Variants in PCDH9 observed in about 807,000 individuals in gnomAD.
PCDH9 encodes protocadherin 9, also known as protocadherin-9.
In PCDH9, 24 loss-of-function variants were observed where a neutral mutation model predicts 70.6. The ratio of observed to expected loss-of-function variants is 0.34; its 90% confidence interval spans 0.25 to 0.48. The LOEUF (loss-of-function observed/expected upper bound fraction) is 0.48, where lower values mean the gene tolerates loss of function less well. Among genes scored for constraint, PCDH9 ranks in the 20% least tolerant of loss-of-function variants. The probability of loss-of-function intolerance (pLI) is 0.99; values close to 1 mark genes in which losing one functional copy is unlikely to be tolerated. For missense variants in PCDH9, 1,281 were observed against 1,503.6 expected (o/e 0.85, Z 2.45); for synonymous variants, 562 against 558.5 (o/e 1.01, Z -0.09).
intron 3 of PCDH9, among the ~76,000 whole-genome samples, chr13:66,733,627 G>A (rs1267923457): frequency 1.5e-4 from 23 of 150,066 alleles, no homozygotes; most frequent in Admixed American, 1.5e-3. Context: ...TGGTAAAATG[G>A]TTTTAAGATT....
At chr13:67,141,794 A>G (rs181277498) in intron 2 of PCDH9, among the ~76,000 whole-genome samples, 1 of 151,612 alleles carries the variant, frequency 6.6e-6, no homozygotes, top group African/African-American at 2.4e-5. Flanking sequence ...GTGATGTATC[A>G]GTATTGTATT....
intron 4 of PCDH9, among the ~76,000 whole-genome samples, chr13:66,580,197 C>G (rs963295787): frequency 6.6e-6 from 1 of 151,998 alleles, no homozygotes; most frequent in Non-Finnish European, 1.5e-5. Context: ...CCATGTACAT[C>G]TAACCAAATA....
chr13:66,409,616 A>G (rs1957338298), intron 4 of PCDH9, among the ~76,000 whole-genome samples: 1 of 152,194 alleles, frequency 6.6e-6, no homozygotes, highest in African/African-American at 2.4e-5. Flanking sequence ...GATTTCTCCA[A>G]CATACTCATC....
Position 67,194,203 on chromosome 13 carries a change from G to C in PCDH9, c.3036+31202C>G, listed in dbSNP as rs575696395. Among the ~76,000 whole-genome samples the C allele has an allele frequency of 4.6e-5, 7 of 152,148 alleles. No homozygotes were observed. The South Asian group carries it at 1.0e-3, about 23-fold the overall frequency. On this transcript the variant is annotated intron_variant, in intron 2 of 4. Coordinates refer to ENST00000377865, the MANE Select transcript of PCDH9 (RefSeq NM_203487.3). ...AAGTGCTTTCAAATATTGACTTGTT[G>C]ATTACTGCACTCATATAAGCACTAC...
Position 66,686,370 on chromosome 13 carries a change from G to A in PCDH9, c.3139-54959C>T, listed in dbSNP as rs1487287449. Among the ~76,000 whole-genome samples, 8 of 152,192 alleles carry A rather than the reference G, an allele frequency of 5.3e-5. No individual in the cohort carries two copies. The East Asian group carries it at 1.4e-3, about 26-fold the overall frequency. ...GCTTCCCCTTCAGCCATAATTGTAA[G>A]TTTCCTGAGGCCTCCCCAACCATGC... On this transcript the variant is annotated intron_variant, in intron 3 of 4. Coordinates refer to ENST00000377865, the MANE Select transcript of PCDH9 (RefSeq NM_203487.3).
intron 2 of PCDH9, among the ~76,000 whole-genome samples, chr13:67,170,167 T>C (rs1475536846): frequency 6.6e-6 from 1 of 152,214 alleles, no homozygotes; most frequent in African/African-American, 2.4e-5. Flanking sequence ...CTTTTATTTA[T>C]GGTCTTTAGC....
intron 4 of PCDH9, among the ~76,000 whole-genome samples, chr13:66,350,261 T>A (rs1956273449): frequency 1.3e-5 from 2 of 152,326 alleles, no homozygotes; most frequent in Admixed American, 1.3e-4. Context: ...CAGTGCTTAG[T>A]AAAAGCAACA....
intron 2 of PCDH9, among the ~76,000 whole-genome samples, chr13:67,093,588 G>T (rs923846135): frequency 1.3e-5 from 2 of 152,102 alleles, no homozygotes; most frequent in South Asian, 4.1e-4. Flanking sequence ...TTATTTCCTT[G>T]AAAATTAGTA....
intron 2 of PCDH9, among the ~76,000 whole-genome samples, chr13:67,151,703 T>C (rs1334221846): frequency 6.9e-6 from 1 of 145,490 alleles, no homozygotes; most frequent in Non-Finnish European, 1.5e-5. Context: ...AAAAAATTCA[T>C]CTTTTCAATC....
At chr13:67,125,056 A>C (rs2086949436) in intron 2 of PCDH9, among the ~76,000 whole-genome samples, 1 of 152,146 alleles carries the variant, frequency 6.6e-6, no homozygotes, top group Non-Finnish European at 1.5e-5. Flanking sequence ...TGGTTGTTCA[A>C]CTCATGAAAC....
intron 3 of PCDH9, among the ~76,000 whole-genome samples, chr13:66,894,281 G>T (rs1176490826): frequency 2.0e-5 from 3 of 151,248 alleles, no homozygotes; most frequent in African/African-American, 4.9e-5. Flanking sequence ...TACACTGTCT[G>T]AACTATCTAA....
At chr13:66,559,817 A>AAAAAAAAAT (rs71677008) in intron 4 of PCDH9, among the ~76,000 whole-genome samples, 14 of 93,088 alleles carry the variant, frequency 1.5e-4, no homozygotes, top group East Asian at 7.3e-4. Flanking sequence ...AAAAAAAAAA[A>AAAAAAAAAT]ATATATATAT....
intron 4 of PCDH9, among the ~76,000 whole-genome samples, chr13:66,470,730 A>G (rs1298371978): frequency 6.6e-6 from 1 of 151,698 alleles, no homozygotes; most frequent in Admixed American, 6.6e-5. Context: ...AATTAAAAAA[A>G]AAAAAAAACT....
chr13:66,402,497 T>TTATATCCATCTTCCTAA (rs1368973842), intron 4 of PCDH9, among the ~76,000 whole-genome samples: 1 of 152,062 alleles, frequency 6.6e-6, no homozygotes, highest in African/African-American at 2.4e-5. Context: ...GATTAAATAT[T>TTATATCCATCTTCCTAA]TATATCCATC....
chr13:66,625,518 C>T (rs1042598816), intron 4 of PCDH9, among the ~76,000 whole-genome samples: 4 of 151,916 alleles, frequency 2.6e-5, no homozygotes, highest in East Asian at 1.9e-4. Context: ...CTGATGTAAT[C>T]GTTTTATCAA....
chr13:66,477,426 T>C (rs944524381), intron 4 of PCDH9, among the ~76,000 whole-genome samples: 2 of 152,204 alleles, frequency 1.3e-5, no homozygotes, highest in Admixed American at 1.3e-4. Flanking sequence ...GTCTTTCATG[T>C]GAATTTATGC....
At chr13:66,651,643 T>C (rs1456459233) in intron 3 of PCDH9, among the ~76,000 whole-genome samples, 1 of 152,106 alleles carries the variant, frequency 6.6e-6, no homozygotes, top group Non-Finnish European at 1.5e-5. Flanking sequence ...GAGGAAGGAA[T>C]GCTTCCAAAC....
chr13:67,121,109 G>C (rs530004115), intron 2 of PCDH9, among the ~76,000 whole-genome samples: 32 of 152,298 alleles, frequency 2.1e-4, no homozygotes, highest in African/African-American at 7.7e-4. Flanking sequence ...AAGCGGGACA[G>C]ACATATAAAC....
chr13:66,983,797 T>C (rs1437298201), intron 2 of PCDH9, among the ~76,000 whole-genome samples: 1 of 152,006 alleles, frequency 6.6e-6, no homozygotes, highest in Admixed American at 6.6e-5. Flanking sequence ...GTGCTAAGCC[T>C]AGTACCCAAT....
Sources: gnomAD v4.1 joint callset for allele counts (sites outside exome capture counted in the v4.1 genomes callset) on GRCh38, gnomAD v4.1.1 for gene constraint, MANE v1.5 for transcripts, NCBI Gene and HGNC (gene_info 2026-07-23, HGNC 2026-07-21) for gene names.